MAP4K3: variants seen among roughly 807,000 people sequenced by gnomAD.
MAP4K3 encodes the protein mitogen-activated protein kinase kinase kinase kinase 3.
Under a neutral mutation model 143.5 loss-of-function variants are expected in MAP4K3, and 94 were observed. The ratio of observed to expected loss-of-function variants is 0.65; its 90% CI spans 0.55 to 0.78. MAP4K3 has a LOEUF of 0.78. Ranked by LOEUF, MAP4K3 falls within the 30% of genes least tolerant of loss-of-function variation. The probability of loss-of-function intolerance (pLI) is 0.00; values close to 1 mark genes in which losing one functional copy is unlikely to be tolerated. For missense variants in MAP4K3, 1,077 were observed against 1,068.1 expected (o/e 1.01, Z -0.12); for synonymous variants, 416 against 347.2 (o/e 1.20, Z -2.20).
chr2:39,340,127 T>C (rs1158849666), intron 4 of MAP4K3, among the ~76,000 whole-genome samples: 2 of 152,208 alleles, frequency 1.3e-5, no homozygotes, highest in African/African-American at 2.4e-5. Context: ...GCACTAGGAT[T>C]ATTAAAAGAA....
chr2:39,351,216 C>A (rs1665448274), intron 3 of MAP4K3, among the ~76,000 whole-genome samples: 1 of 152,160 alleles, frequency 6.6e-6, no homozygotes, highest in African/African-American at 2.4e-5. Context: ...AATGTGAGAC[C>A]AGTAGCTGTC....
intron 1 of MAP4K3, among the ~76,000 whole-genome samples, chr2:39,426,840 T>C (rs904462258): frequency 6.6e-6 from 1 of 151,848 alleles, no homozygotes; most frequent in Non-Finnish European, 1.5e-5. Flanking sequence ...TGAGAAGTCA[T>C]GGAGAACTAT....
At chr2:39,375,144 A>G (rs1666183268) in intron 2 of MAP4K3, among the ~76,000 whole-genome samples, 1 of 152,124 alleles carries the variant, frequency 6.6e-6, no homozygotes, top group Admixed American at 6.5e-5. Flanking sequence ...CTGCAGTCCT[A>G]GCTACTTGGG....
chr2:39,296,177 A>G (rs948753919), intron 16 of MAP4K3, among the ~76,000 whole-genome samples: 1 of 152,236 alleles, frequency 6.6e-6, no homozygotes, highest in Non-Finnish European at 1.5e-5. Flanking sequence ...TTGTGTGTTA[A>G]CATATTTTAT....
Position 39,278,317 on chromosome 2 carries a change from A to G in MAP4K3, c.1794+90T>C, listed in dbSNP as rs149182422. 1,087 of 676,648 alleles carry G rather than the reference A, an allele frequency of 1.6e-3. 13 individuals are homozygous for G. In the African/African-American group the frequency reaches 0.019, roughly 12 times the overall value. 41.9% of individuals were successfully genotyped at this position (676,648 alleles called of 1,614,324 possible). A position where few individuals can be genotyped will look rare whatever the true frequency, so the allele number is the denominator to read the frequency against. ...AACAAAAAAGAATAAAAGAGGCAGC[A>G]AGTCATGAAACTGAACCTTATTTCT... On this transcript the variant is annotated intron_variant, in intron 24 of 33. Coordinates refer to ENST00000263881, the MANE Select transcript of MAP4K3 (RefSeq NM_003618.4).
chr2:39,376,299 G>A (rs1160939107), intron 2 of MAP4K3, among the ~76,000 whole-genome samples: 3 of 152,036 alleles, frequency 2.0e-5, no homozygotes, highest in Admixed American at 6.5e-5. Flanking sequence ...GGGGGAAATG[G>A]GTAGCTGTAA....
intron 1 of MAP4K3, among the ~76,000 whole-genome samples, chr2:39,425,426 T>C (rs986541894): frequency 2.0e-5 from 3 of 152,198 alleles, no homozygotes; most frequent in African/African-American, 4.8e-5. Flanking sequence ...AATCCACATG[T>C]TGAAGACCTA....
intron 28 of MAP4K3, among the ~76,000 whole-genome samples, chr2:39,263,366 G>A (rs573804120): frequency 5.5e-5 from 8 of 145,784 alleles, no homozygotes; most frequent in South Asian, 4.8e-4. Context: ...TCCGCCTCCC[G>A]GGTTCAGGCC....
chr2:39,354,905 T>C (rs187307409), intron 3 of MAP4K3, among the ~76,000 whole-genome samples: 29 of 152,300 alleles, frequency 1.9e-4, no homozygotes, highest in African/African-American at 6.5e-4. Context: ...TACAGTATGT[T>C]GGATGTTGCT....
intron 16 of MAP4K3, among the ~76,000 whole-genome samples, chr2:39,293,480 A>G (rs1014036560): frequency 3.3e-5 from 5 of 152,168 alleles, no homozygotes; most frequent in African/African-American, 1.2e-4. Flanking sequence ...CAATGTCTTT[A>G]TATATGTATT....
intron 1 of MAP4K3, among the ~76,000 whole-genome samples, chr2:39,418,028 C>T (rs1297199786): frequency 1.3e-5 from 2 of 152,050 alleles, no homozygotes; most frequent in Non-Finnish European, 2.9e-5. Flanking sequence ...TGGTGAAACC[C>T]TATCTCCACT....
intron 1 of MAP4K3, among the ~76,000 whole-genome samples, chr2:39,396,421 C>T (rs558343172): frequency 5.1e-4 from 78 of 151,486 alleles, no homozygotes; most frequent in African/African-American, 1.7e-3. Context: ...GTTTACATTT[C>T]TGAACTTCTA....
intron 15 of MAP4K3, among the ~76,000 whole-genome samples, chr2:39,300,003 G>A (rs1454128628): frequency 2.0e-5 from 3 of 151,874 alleles, no homozygotes; most frequent in Non-Finnish European, 4.4e-5. Context: ...GTTTTTCTTG[G>A]AATTTTTCTG....
At chr2:39,288,015 C>T (rs1681872751) in intron 20 of MAP4K3, 106 bp downstream of exon 20, 1 of 1,378,790 alleles carries the variant, frequency 7.3e-7, no homozygotes, top group African/African-American at 1.4e-5. Flanking sequence ...TGCTTTCCTT[C>T]TGTCCTCCAC....
intron 13 of MAP4K3, among the ~76,000 whole-genome samples, chr2:39,310,717 T>C (rs1304534251): frequency 6.6e-6 from 1 of 152,222 alleles, no homozygotes; most frequent in East Asian, 1.9e-4. Context: ...TATGTAAGAA[T>C]TCCCTTTTCT....
intron 20 of MAP4K3, among the ~76,000 whole-genome samples, 159 bp from the exon 21 acceptor site, chr2:39,287,123 T>TTA (rs1199544681): frequency 6.6e-6 from 1 of 152,236 alleles, no homozygotes; most frequent in South Asian, 2.1e-4. Context: ...AAGACGTCAT[T>TTA]TATATATATG....
At chr2:39,283,896 A>G (rs1231933165) in intron 21 of MAP4K3, 2 of 152,220 alleles carry the variant, frequency 1.3e-5, no homozygotes, top group Admixed American at 1.3e-4. Flanking sequence ...GAGCTGCCAT[A>G]CATCAGAATC....
intron 2 of MAP4K3, among the ~76,000 whole-genome samples, chr2:39,371,561 T>C (rs1325517253): frequency 2.0e-5 from 3 of 152,096 alleles, no homozygotes; most frequent in African/African-American, 4.8e-5. Flanking sequence ...GTGATGCAAA[T>C]GAACTAAATT....
At chr2:39,293,824 C>A (rs1041470054) in intron 16 of MAP4K3, 1 of 153,120 alleles carries the variant, frequency 6.5e-6, no homozygotes, top group East Asian at 1.9e-4. Flanking sequence ...TTTGCTTTCA[C>A]GGAAGACACT....
Sources: allele counts gnomAD v4.1 joint callset (sites outside exome capture counted in the v4.1 genomes callset), GRCh38; gene constraint gnomAD v4.1.1; transcripts MANE v1.5; gene names NCBI Gene and HGNC (gene_info 2026-07-23, HGNC 2026-07-21).